ZNF618: variants seen among roughly 807,000 people sequenced by gnomAD.
ZNF618 encodes neural precursor cell expressed, developmentally down-regulated 10.
A neutral mutation model predicts 103.0 loss-of-function variants in ZNF618; 34 were observed. The observed-to-expected ratio is 0.33, with a 90% CI of 0.25 to 0.44. ZNF618 has a LOEUF of 0.44. Among genes scored for constraint, ZNF618 ranks in the 20% least tolerant of loss-of-function variants. ZNF618 has a pLI of 1.00. For synonymous variants in ZNF618, 551 were observed against 542.2 expected (o/e 1.02, Z -0.23); for missense variants, 1,059 against 1,295.4 (o/e 0.82, Z 2.80).
chr9:113,916,188 A>G (rs1409168826), intron 1 of ZNF618, among the ~76,000 whole-genome samples: 1 of 152,150 alleles, frequency 6.6e-6, no homozygotes, highest in Non-Finnish European at 1.5e-5. Context: ...ATATTGATCA[A>G]TTTGATTCCA....
intron 2 of ZNF618, among the ~76,000 whole-genome samples, chr9:113,984,965 C>T (rs192170425): frequency 2.3e-4 from 35 of 152,352 alleles, no homozygotes; most frequent in Middle Eastern, 3.4e-3. Context: ...TCTAACTCCA[C>T]AGCCCATGCG....
intron 4 of ZNF618, among the ~76,000 whole-genome samples, chr9:114,001,428 A>G (rs1841196294): frequency 6.6e-6 from 1 of 152,140 alleles, no homozygotes; most frequent in Admixed American, 6.5e-5. Context: ...GGCCACCCCT[A>G]CGAGGTAGGT....
rs560520416 is a variant in ZNF618, at chr9:113,889,874, A to G, written c.33+13461A>G. Among the ~76,000 whole-genome samples, 7 of 152,326 alleles carry G rather than the reference A, an allele frequency of 4.6e-5. No homozygotes were observed. In the South Asian group the frequency reaches 1.5e-3, roughly 32 times the overall value. Reference sequence around the variant, plus strand: ...CCAGGCACAGCTATGTGCATTCAATAATGAGCTCGGAGGGAGAATGAGACT... The same window carrying G: ...CCAGGCACAGCTATGTGCATTCAATGATGAGCTCGGAGGGAGAATGAGACT... On this transcript the variant is annotated intron_variant, in intron 1 of 14. Coordinates refer to ENST00000374126, the MANE Select transcript of ZNF618 (RefSeq NM_001318042.2).
At chr9:113,960,326 G>T (rs1366907202) in intron 1 of ZNF618, among the ~76,000 whole-genome samples, 1 of 152,216 alleles carries the variant, frequency 6.6e-6, no homozygotes, top group African/African-American at 2.4e-5. Context: ...GGGTGCATAT[G>T]CCTTCCAAGT....
At chr9:113,973,924 A>G (rs1457261475) in intron 2 of ZNF618, among the ~76,000 whole-genome samples, 1 of 152,238 alleles carries the variant, frequency 6.6e-6, no homozygotes, top group Admixed American at 6.5e-5. Context: ...ACAAGTGAAC[A>G]GGATCTTGTA....
At chr9:113,909,446 C>T (rs1007153459) in intron 1 of ZNF618, among the ~76,000 whole-genome samples, 13 of 152,166 alleles carry the variant, frequency 8.5e-5, no homozygotes, top group Non-Finnish European at 1.3e-4. Context: ...TACGAGGCTG[C>T]AGATGGACTT....
intron 1 of ZNF618, among the ~76,000 whole-genome samples, chr9:113,957,005 A>T (rs1050869824): frequency 6.6e-6 from 1 of 152,210 alleles, no homozygotes; most frequent in Admixed American, 6.5e-5. Flanking sequence ...GAAGAAACTG[A>T]GTCACAAAGG....
intron 1 of ZNF618, among the ~76,000 whole-genome samples, chr9:113,965,339 A>G (rs949282069): frequency 6.6e-6 from 1 of 152,108 alleles, no homozygotes; most frequent in Non-Finnish European, 1.5e-5. Context: ...TTTCCAAGAA[A>G]ACCCTTAATA....
chr9:113,981,086 C>T (rs1838929035), intron 2 of ZNF618, among the ~76,000 whole-genome samples: 3 of 152,282 alleles, frequency 2.0e-5, no homozygotes, highest in African/African-American at 7.2e-5. Flanking sequence ...CATTTAACAT[C>T]CCATGCATGC....
intron 11 of ZNF618, among the ~76,000 whole-genome samples, chr9:114,030,019 C>G (rs147121527): frequency 6.6e-6 from 1 of 152,116 alleles, no homozygotes; most frequent in Non-Finnish European, 1.5e-5. Flanking sequence ...TCTGGGACCG[C>G]GGGCCCTTCA....
intron 2 of ZNF618, among the ~76,000 whole-genome samples, chr9:113,974,389 A>G (rs1838291195): frequency 6.6e-6 from 1 of 152,232 alleles, no homozygotes; most frequent in Non-Finnish European, 1.5e-5. Flanking sequence ...AGGCCCTTGG[A>G]GACCGTTGTC....
chr9:114,036,601 G>A lies in ZNF618; in HGVS notation c.1246+224G>A, dbSNP rs10116543. On this transcript the variant is annotated intron_variant, in intron 13 of 14. Transcript: ENST00000374126. ...GTGGGGAGGCAGCACAGGCTCTGTG[G>A]GAACACGGAGAGGTGGGACAGAGTT... 0.085 allele frequency among the ~76,000 whole-genome samples: 12,976 copies of A among 152,300 alleles called. 640 individuals are homozygous for A. Among genetic ancestry groups the A allele is most frequent in the African/African-American group, 0.12 (5,143 of 41,548 alleles).
intron 10 of ZNF618, among the ~76,000 whole-genome samples, chr9:114,024,330 C>A (rs1843314450): frequency 6.6e-6 from 1 of 151,770 alleles, no homozygotes; most frequent in South Asian, 2.1e-4. Flanking sequence ...CTTTCCTTGT[C>A]ATTTCTGTAT....
rs76802189 is a variant in ZNF618, at chr9:114,016,195, C to T, written c.755-500C>T. 9.9e-6 allele frequency: 16 copies of T among 1,609,450 alleles called. No individual in the cohort carries two copies. In the East Asian group the frequency reaches 1.3e-4, roughly 13 times the overall value. On this transcript the variant is annotated intron_variant, in intron 9 of 14. Coordinates refer to ENST00000374126, the MANE Select transcript of ZNF618 (RefSeq NM_001318042.2). ...GAGGTAAAGATAAAGTCGGGTGGGACTTGAGAGGAAGAAGTGACCCCTGCT... is the reference window on the plus strand; with the variant it reads ...GAGGTAAAGATAAAGTCGGGTGGGATTTGAGAGGAAGAAGTGACCCCTGCT...
rs201855820 is a variant in ZNF618 at position 113,988,526 on chromosome 9, G to A, written c.283G>A (p.Val95Met). The A allele has an allele frequency of 6.5e-5, 105 of 1,612,310 alleles. No homozygotes were observed. The highest frequency in any genetic ancestry group is 1.5e-4 in the Admixed American group (9 of 59,950). ...KAVSKDGTSDVPAEICVVIGG... is the reference protein window; with the variant it reads ...KAVSKDGTSDMPAEICVVIGG... The stretch of plus-strand genomic sequence containing the variant: ...GGTCAGCAAGGATGGGACCAGCGAC[G>A]TGCCTGCCGAGATCTGCGTGGTGAT... The change falls in exon 3 of 15, where the codon GTG (valine) becomes ATG (methionine). Residue 95 changes from valine (V) to methionine (M), a missense_variant. Val to Met is a conservative substitution (Grantham distance 21). Around this residue, in one of 6 missense-constraint regions of ZNF618, gnomAD observed 194 missense variants for 209.0 expected, o/e 0.93. Coordinates refer to ENST00000374126, the MANE Select transcript of ZNF618 (RefSeq NM_001318042.2).
intron 1 of ZNF618, among the ~76,000 whole-genome samples, chr9:113,965,484 G>A (rs1446660343): frequency 6.6e-6 from 1 of 152,090 alleles, no homozygotes; most frequent in African/African-American, 2.4e-5. Flanking sequence ...AGAGGGGACA[G>A]GCACCCTTAT....
intron 1 of ZNF618, among the ~76,000 whole-genome samples, chr9:113,908,228 A>T (rs1831171413): frequency 6.6e-6 from 1 of 152,224 alleles, no homozygotes; most frequent in Admixed American, 6.5e-5. Context: ...ATTTATAGAG[A>T]AAAACATCAT....
At chr9:113,938,572 C>T (rs10982011) in intron 1 of ZNF618, among the ~76,000 whole-genome samples, 69,067 of 136,018 alleles carry the variant, frequency 0.51, 17,088 homozygotes, top group Non-Finnish European at 0.54. Context: ...TTCTTTTTTT[C>T]TTTTTTTTTT....
Position 114,050,137 on chromosome 9 carries a change from A to G in ZNF618, c.2835A>G (p.Lys945=), listed in dbSNP as rs1315590394. Residue 945 remains lysine, a synonymous_variant, in exon 15 of 15, where the codon AAA becomes AAG. Transcript: ENST00000374126. ...RRLLSPEDMN[K]LMFLKSNML ...TGCTCAGTCCAGAAGATATGAATAA[A>G]CTCATGTTTCTGAAATCCAACATGC... 1 of 1,564,556 alleles carries G rather than the reference A, an allele frequency of 6.4e-7. No homozygotes were observed. Among genetic ancestry groups the G allele is most frequent in the East Asian group, 2.3e-5 (1 of 44,100 alleles).
Sources: allele counts gnomAD v4.1 joint callset (sites outside exome capture counted in the v4.1 genomes callset), GRCh38; gene constraint gnomAD v4.1.1; regional missense constraint gnomAD v4.1.1; transcripts MANE v1.5; gene names NCBI Gene and HGNC (gene_info 2026-07-23, HGNC 2026-07-21).